Variants in CUX1 observed in about 807,000 individuals in gnomAD.
CUX1 encodes the protein protein CASP.
CUX1 carries 31 observed loss-of-function variants against 158.8 expected under a neutral mutation model. The ratio of observed to expected loss-of-function variants is 0.20; its 90% CI spans 0.15 to 0.26. The LOEUF is 0.26. Ranked by LOEUF, CUX1 falls within the 10% of genes least tolerant of loss-of-function variation. The pLI is 1.00. For synonymous variants in CUX1, 879 were observed against 862.1 expected (o/e 1.02, Z -0.34); for missense variants, 1,589 against 2,014.6 (o/e 0.79, Z 4.04).
chr7:102,277,808 TG>T, intron 17 of CUX1: 1 of 469,428 alleles, frequency 2.1e-6, no homozygotes. Context: ...GGGGCCACAG[TG>T]GGGGAAGGGG....
In CUX1 at chr7:102,251,876, C is replaced by T. The variant is rs1190074358; in HGVS notation, c.*2834C>T. 4 of 985,284 alleles carry T rather than the reference C, an allele frequency of 4.1e-6. No homozygotes were observed. The African/African-American group carries it at 5.2e-5, about 13-fold the overall frequency. 61.0% of individuals were successfully genotyped at this position (985,284 alleles called of 1,614,324 possible). On this transcript the variant is annotated 3_prime_UTR_variant, in exon 24 of 24. Transcript: ENST00000292535. ...AAGGTGTTAAATCTGAGGAAATTGA[C>T]AAATACAGATTTGTCCATTCTAGTG...
rs538099718 is a variant in CUX1, at chr7:101,916,910, G to GA, written c.141+698dup. 6.9e-3 allele frequency among the ~76,000 whole-genome samples: 971 copies of GA among 140,736 alleles called. 21 individuals are homozygous for GA. The East Asian group carries it at 0.084, about 12-fold the overall frequency. The allele number at this position is 140,736 out of a possible 152,430, so 92.3% of individuals were successfully genotyped here. On this transcript the variant is annotated intron_variant, in intron 2 of 23. Transcript: ENST00000292535. The surrounding 1 kb of genome is among the most constrained non-coding windows in gnomAD (Gnocchi z 4.4). The stretch of plus-strand genomic sequence containing the variant: ...TTCAACCCTATCAGGGGCTTACTAA[G>GA]AAAAAAAAAAAAACATCCAAGCGTG...
At chr7:102,109,328 C>G (rs1440234189) in intron 6 of CUX1, among the ~76,000 whole-genome samples, 1 of 152,102 alleles carries the variant, frequency 6.6e-6, no homozygotes, top group Admixed American at 6.6e-5. Context: ...GATAAGTAGG[C>G]ATGTCATACA....
At chr7:101,839,458 C>T (rs375884040) in intron 1 of CUX1, among the ~76,000 whole-genome samples, 1 of 152,228 alleles carries the variant, frequency 6.6e-6, no homozygotes, top group African/African-American at 2.4e-5. Flanking sequence ...CTTACTCCCC[C>T]ACCCACAGTC....
intron 7 of CUX1, 47 bp from the exon 8 acceptor site, chr7:102,115,160 T>C (rs184389549): frequency 1.3e-6 from 2 of 1,543,034 alleles, no homozygotes; most frequent in East Asian, 2.3e-5. Context: ...TGTGTATGCA[T>C]TCTTTTAAAA....
intron 2 of CUX1, among the ~76,000 whole-genome samples, chr7:101,992,606 G>A (rs1428815910): frequency 6.6e-6 from 1 of 152,108 alleles, no homozygotes; most frequent in Non-Finnish European, 1.5e-5. Flanking sequence ...CCAATCAGCC[G>A]TATTACCCAG....
At chr7:101,993,703 A>G (rs1815445407) in intron 2 of CUX1, among the ~76,000 whole-genome samples, 1 of 152,208 alleles carries the variant, frequency 6.6e-6, no homozygotes, top group African/African-American at 2.4e-5. Flanking sequence ...AGCAAGTTGG[A>G]CAGGGCTGCC....
intron 8 of CUX1, among the ~76,000 whole-genome samples, chr7:102,126,291 G>A (rs144381876): frequency 9.9e-5 from 15 of 151,568 alleles, no homozygotes; most frequent in Admixed American, 2.0e-4. Context: ...CACCCGCCTC[G>A]GCCTCCCAAA....
intron 2 of CUX1, among the ~76,000 whole-genome samples, chr7:102,021,776 G>T (rs1356434579): frequency 1.3e-5 from 2 of 151,980 alleles, no homozygotes; most frequent in East Asian, 3.9e-4. Flanking sequence ...GGTCAGACTG[G>T]TCTCCAACTC....
intron 2 of CUX1, among the ~76,000 whole-genome samples, chr7:102,012,710 GGA>G (rs386716292): frequency 3.4e-5 from 5 of 147,288 alleles, no homozygotes; most frequent in African/African-American, 1.3e-4. Context: ...GGGGGCGGGG[GGA>G]GGGGGTTGTC....
chr7:102,216,866 C>A (rs1586273637), intron 20 of CUX1, among the ~76,000 whole-genome samples: 1 of 121,156 alleles, frequency 8.3e-6, no homozygotes, highest in Non-Finnish European at 1.7e-5. Flanking sequence ...CACACACATT[C>A]TCTCACACAC....
intron 1 of CUX1, among the ~76,000 whole-genome samples, chr7:101,877,516 G>A (rs995376346): frequency 1.3e-5 from 2 of 152,114 alleles, no homozygotes; most frequent in Admixed American, 6.5e-5. Flanking sequence ...GCAAAACCCC[G>A]TCTCTACTAA....
intron 2 of CUX1, among the ~76,000 whole-genome samples, chr7:101,936,246 A>C (rs1585029848): frequency 9.9e-6 from 1 of 101,070 alleles, no homozygotes; most frequent in South Asian, 3.3e-4. Context: ...GGGAGGAGGG[A>C]GGAGGGAGGA....
chr7:101,983,418 G>GT (rs1306543644), intron 2 of CUX1, among the ~76,000 whole-genome samples: 8 of 152,116 alleles, frequency 5.3e-5, no homozygotes, highest in Non-Finnish European at 1.0e-4. Context: ...AGGTGGTTCA[G>GT]TTTTTTTCCT....
At chr7:102,037,612 A>G (rs1009925728) in intron 3 of CUX1, among the ~76,000 whole-genome samples, 1 of 151,200 alleles carries the variant, frequency 6.6e-6, no homozygotes, top group Non-Finnish European at 1.5e-5. Flanking sequence ...TCGGCTTCCC[A>G]AAATGCTGGG....
At chr7:102,177,792 C>T (rs1250551412) in intron 10 of CUX1, among the ~76,000 whole-genome samples, 2 of 152,170 alleles carry the variant, frequency 1.3e-5, no homozygotes, top group African/African-American at 4.8e-5. Context: ...GTGGTCACCC[C>T]GCACACTTTT....
intron 2 of CUX1, among the ~76,000 whole-genome samples, chr7:101,929,268 C>T (rs1806023561): frequency 6.6e-6 from 1 of 152,184 alleles, no homozygotes; most frequent in South Asian, 2.1e-4. Flanking sequence ...CGGACTTGAA[C>T]AGATACAGTA....
chr7:101,940,441 A>T (rs1487016928), intron 2 of CUX1, among the ~76,000 whole-genome samples: 1 of 151,958 alleles, frequency 6.6e-6, no homozygotes, highest in African/African-American at 2.4e-5. Context: ...CACAGGTGAG[A>T]TGGAAGGAAT....
At chr7:101,990,034 A>T (rs537640104) in intron 2 of CUX1, among the ~76,000 whole-genome samples, 2 of 152,178 alleles carry the variant, frequency 1.3e-5, no homozygotes, top group Non-Finnish European at 2.9e-5. Context: ...TTTGAGTGAA[A>T]GGTTTCATGT....
Sources: gnomAD v4.1 joint callset for allele counts (sites outside exome capture counted in the v4.1 genomes callset) on GRCh38, gnomAD v4.1.1 for gene constraint, Gnocchi (gnomAD v3.1) non-coding constraint, MANE v1.5 for transcripts, NCBI Gene and HGNC (gene_info 2026-07-23, HGNC 2026-07-21) for gene names.